The following KCNC4 variants were observed in gnomAD, a reference collection of about 807,000 sequenced individuals.
KCNC4 encodes the protein voltage-gated potassium channel KCNC4.
Under a neutral mutation model 42.8 loss-of-function variants are expected in KCNC4, and 23 were observed. That is an observed-to-expected ratio of 0.54 (90% CI 0.39 to 0.76). The LOEUF is 0.76. Ranked by LOEUF, KCNC4 falls within the 30% of genes least tolerant of loss-of-function variation. KCNC4 has a pLI of 0.00. For missense variants in KCNC4, 751 were observed against 898.2 expected (o/e 0.84, Z 2.10); for synonymous variants, 422 against 393.5 (o/e 1.07, Z -0.86).
chr1:110,227,694 G>A (rs371782880), intron 3 of KCNC4, among the ~76,000 whole-genome samples: 4 of 152,194 alleles, frequency 2.6e-5, no homozygotes, highest in African/African-American at 4.8e-5. Context: ...AGTCTAGAAC[G>A]AGTGGTCCCT....
intron 3 of KCNC4, 108 bp from the exon 4 acceptor site, chr1:110,232,803 T>G: frequency 1.3e-6 from 2 of 1,546,424 alleles, no homozygotes; most frequent in Admixed American, 3.9e-5. Context: ...TCTCATTCTT[T>G]GTTTCTCCCT....
chr1:110,232,160 C>G, intron 3 of KCNC4: 2 of 1,539,212 alleles, frequency 1.3e-6, no homozygotes, highest in Non-Finnish European at 1.8e-6. Flanking sequence ...CCCAAAAGGG[C>G]TCTCTGAGGG....
chr1:110,232,566 G>C, intron 3 of KCNC4: 1 of 1,435,122 alleles, frequency 7.0e-7, no homozygotes, highest in Non-Finnish European at 9.1e-7. Flanking sequence ...TAAGAGGCTA[G>C]TGGTTCCTGG....
At chr1:110,225,949 G>A (rs1249706550) in intron 2 of KCNC4, 26 bp from the exon 3 acceptor site, 1 of 1,553,996 alleles carries the variant, frequency 6.4e-7, no homozygotes, top group Admixed American at 1.8e-5. Context: ...CCCTCATGCA[G>A]CCTCCTTTCT....
At chr1:110,250,478 C>T (rs1034675187), downstream of KCNC4, among the ~76,000 whole-genome samples, 1 of 152,160 alleles carries the variant, frequency 6.6e-6, no homozygotes, top group African/African-American at 2.4e-5. Context: ...CTGCACAAGC[C>T]TGGGCCATTT....
At chr1:110,276,438 G>C (rs1659727716) in intron 1 of KCNC4, among the ~76,000 whole-genome samples, 1 of 152,084 alleles carries the variant, frequency 6.6e-6, no homozygotes, top group South Asian at 2.1e-4. Context: ...GAGAATTTCA[G>C]TGTCTGCAGC....
In KCNC4 at chr1:110,210,707, C is replaced by T. The variant is rs541390999; in HGVS notation, c.-793C>T. On this transcript the variant is annotated 5_prime_UTR_variant, in exon 1 of 4. Transcript: ENST00000438661. ...CTGAGGCACCCCCGCCCCAGCGCGG[C>T]CCCCGCAGCGCTGCGCCCGGTCCGG... Among the ~76,000 whole-genome samples, 1 of 151,258 alleles carries T rather than the reference C, an allele frequency of 6.6e-6. No individual in the cohort carries two copies. The highest frequency in any genetic ancestry group is 1.5e-5 in the Non-Finnish European group (1 of 67,744).
rs1439770297 is a variant in KCNC4, at chr1:110,226,123, C to T, written c.1764C>T (p.Ala588=). 1 of 1,614,190 alleles carries T rather than the reference C, an allele frequency of 6.2e-7. No homozygotes were observed. Among genetic ancestry groups the T allele is most frequent in the Non-Finnish European group, 8.5e-7 (1 of 1,180,032 alleles). The change falls in exon 3 of 4, where the codon GCC becomes GCT. Residue 588 remains alanine (A), a synonymous_variant. Coordinates refer to ENST00000438661, the MANE Select transcript of KCNC4 (RefSeq NM_001039574.3). ...TTRDRNKKAA[A]CFLLSTGDYA... ...GAGACAGAAACAAGAAGGCAGCTGCCTGCTTCCTGCTCAGCACTGGGGACT... is the reference window on the plus strand; with the variant it reads ...GAGACAGAAACAAGAAGGCAGCTGCTTGCTTCCTGCTCAGCACTGGGGACT...
At chr1:110,262,439 T>C (rs547276181) in intron 1 of KCNC4, among the ~76,000 whole-genome samples, 1 of 152,316 alleles carries the variant, frequency 6.6e-6, no homozygotes, top group South Asian at 2.1e-4. Flanking sequence ...TTCTGTGCCT[T>C]TCCTCTTCCC....
intron 1 of KCNC4, among the ~76,000 whole-genome samples, chr1:110,269,825 G>A (rs1557875230): frequency 6.6e-6 from 1 of 152,144 alleles, no homozygotes; most frequent in Non-Finnish European, 1.5e-5. Flanking sequence ...GACAGATCCA[G>A]TTATTTTGCA....
At chr1:110,219,306 A>G (rs1043266985) in intron 1 of KCNC4, among the ~76,000 whole-genome samples, 8 of 152,108 alleles carry the variant, frequency 5.3e-5, no homozygotes, top group African/African-American at 1.4e-4. Flanking sequence ...TGGAGCACCT[A>G]TTGGGTGCCA....
At chr1:110,263,027 G>A (rs1175863146) in intron 1 of KCNC4, among the ~76,000 whole-genome samples, 6 of 152,162 alleles carry the variant, frequency 3.9e-5, no homozygotes, top group Admixed American at 3.9e-4. Flanking sequence ...CATGACCTCT[G>A]GTGTCTGTTT....
chr1:110,253,649 C>T (rs1288275968), downstream of KCNC4, among the ~76,000 whole-genome samples: 1 of 152,220 alleles, frequency 6.6e-6, no homozygotes, highest in Non-Finnish European at 1.5e-5. Context: ...GCTCTTTCCT[C>T]TGCTCAGGCC....
In KCNC4 at chr1:110,232,909, A is replaced by G. The variant is rs1041349658; in HGVS notation, c.1820-2A>G. The G allele has an allele frequency of 6.8e-6, 11 of 1,610,796 alleles. No individual in the cohort carries two copies. Among genetic ancestry groups the G allele is most frequent in the East Asian group, 4.5e-5 (2 of 44,822 alleles). ...TCTCACACCTGTGCTCTTTAAACAC[A>G]GAGACCTGCCAAGACGCCCTCTCGT... On this transcript the variant is annotated splice_acceptor_variant, in intron 3 of 3. Coordinates refer to ENST00000438661, the MANE Select transcript of KCNC4 (RefSeq NM_001039574.3). LOFTEE classifies it high-confidence loss of function.
At chr1:110,275,954 C>CAAAAAAAA (rs61372696) in intron 1 of KCNC4, among the ~76,000 whole-genome samples, 1 of 106,238 alleles carries the variant, frequency 9.4e-6, no homozygotes, top group Non-Finnish European at 1.9e-5. Flanking sequence ...GACTCCGCCT[C>CAAAAAAAA]AAAAAAAAAA....
exon 4 of KCNC4, chr1:110,242,423 G>A (rs1278349672): frequency 6.6e-6 from 1 of 152,250 alleles, no homozygotes; most frequent in African/African-American, 2.4e-5. Context: ...CATAGAAAAA[G>A]AGGCTGGCAA....
At chr1:110,282,011 A>G (rs1659837195) in intron 1 of KCNC4, among the ~76,000 whole-genome samples, 1 of 152,156 alleles carries the variant, frequency 6.6e-6, no homozygotes, top group Non-Finnish European at 1.5e-5. Context: ...CAGGCAAATT[A>G]CCCACTGAGC....
Position 110,223,488 on chromosome 1 carries a change from C to T in KCNC4, c.1203C>T (p.Tyr401=), listed in dbSNP as rs751851910. ...GVLIFATMIY[Y]AERIGARPSD... ...TCATCTTTGCCACCATGATCTACTA[C>T]GCTGAGCGCATTGGGGCCAGGCCCT... is the stretch of plus-strand genomic sequence containing the variant. Residue 401 remains tyrosine, a synonymous_variant, in exon 2 of 4, where the codon TAC becomes TAT. Coordinates refer to ENST00000438661, the MANE Select transcript of KCNC4 (RefSeq NM_001039574.3). This position sits in a 1 kb window ranked among gnomAD's most constrained non-coding sequence, Gnocchi z 7.5. 13 of 1,613,938 alleles carry T rather than the reference C, an allele frequency of 8.1e-6. No homozygotes were observed. The highest frequency in any genetic ancestry group is 1.7e-5 in the Admixed American group (1 of 60,036).
chr1:110,247,126 C>T (rs1035085525), exon 4 of KCNC4: 1 of 151,978 alleles, frequency 6.6e-6, no homozygotes, highest in Non-Finnish European at 1.5e-5. Context: ...ATGTGTATCA[C>T]ATTTTCTTTA....
Sources: gnomAD v4.1 joint callset for allele counts (sites outside exome capture counted in the v4.1 genomes callset) on GRCh38, gnomAD v4.1.1 for gene constraint, Gnocchi (gnomAD v3.1) non-coding constraint, MANE v1.5 for transcripts, NCBI Gene and HGNC (gene_info 2026-07-23, HGNC 2026-07-21) for gene names.